EPB41L3: variants seen among roughly 807,000 people sequenced by gnomAD.
The protein encoded by EPB41L3 is erythrocyte membrane protein band 4.1 like 3, also known as band 4.1-like protein 3.
EPB41L3 carries 57 observed loss-of-function variants against 127.1 expected under a neutral mutation model. That is an observed-to-expected ratio of 0.45 (90% CI 0.36 to 0.56). EPB41L3 has a LOEUF of 0.56. EPB41L3 is among the 20% of genes least tolerant of loss of function. The probability of loss-of-function intolerance (pLI) is 0.00; values close to 1 mark genes in which losing one functional copy is unlikely to be tolerated. For missense variants in EPB41L3, 1,273 were observed against 1,372.2 expected, an observed-to-expected ratio of 0.93 and a Z score of 1.14; for synonymous variants, 572 against 549.5, an observed-to-expected ratio of 1.04 and a Z score of -0.57.
intron 1 of EPB41L3, chr18:5,508,327 T>G (rs2092330596): frequency 6.6e-6 from 1 of 152,338 alleles, no homozygotes; most frequent in Non-Finnish European, 1.5e-5. Flanking sequence ...ATAATTTTTA[T>G]ATTAACACTG....
intron 3 of EPB41L3, among the ~76,000 whole-genome samples, chr18:5,609,178 A>G (rs1481181660): frequency 1.3e-5 from 2 of 152,206 alleles, no homozygotes; most frequent in East Asian, 1.9e-4. Flanking sequence ...ATGAAACTGT[A>G]ACTGATAATC....
intron 8 of EPB41L3, among the ~76,000 whole-genome samples, chr18:5,431,962 A>C (rs150291893): frequency 8.3e-4 from 127 of 152,322 alleles, no homozygotes; most frequent in Non-Finnish European, 1.3e-3. Flanking sequence ...TTGTAATTAT[A>C]CACAAATGTC....
chr18:5,551,813 T>C (rs1433368107), intron 3 of EPB41L3, among the ~76,000 whole-genome samples: 3 of 152,184 alleles, frequency 2.0e-5, no homozygotes, highest in African/African-American at 7.2e-5. Flanking sequence ...TTCGTGTACA[T>C]TTGAAAGGTT....
intron 3 of EPB41L3, among the ~76,000 whole-genome samples, chr18:5,461,596 T>G (rs1315976227): frequency 6.6e-6 from 1 of 152,256 alleles, no homozygotes; most frequent in African/African-American, 2.4e-5. Flanking sequence ...TCTGGTCATT[T>G]TGATTTGCCT....
chr18:5,445,329 A>T, intron 3 of EPB41L3, 85 bp from the exon 4 acceptor site: 3 of 1,065,370 alleles, frequency 2.8e-6, no homozygotes, highest in Non-Finnish European at 4.2e-6. Flanking sequence ...GGTAATATTT[A>T]AAACATTGCT....
intron 1 of EPB41L3, among the ~76,000 whole-genome samples, chr18:5,626,257 G>A (rs759025542): frequency 5.9e-5 from 9 of 152,068 alleles, no homozygotes; most frequent in Non-Finnish European, 1.2e-4. Flanking sequence ...AGACATCATC[G>A]TGACACCAAA....
chr18:5,611,309 G>A (rs2144035451), intron 3 of EPB41L3, among the ~76,000 whole-genome samples: 1 of 152,320 alleles, frequency 6.6e-6, no homozygotes, highest in South Asian at 2.1e-4. Context: ...GTATTACTCA[G>A]CCTTCAAAAG....
chr18:5,597,968 C>G (rs1352661531), intron 3 of EPB41L3, among the ~76,000 whole-genome samples: 1 of 152,192 alleles, frequency 6.6e-6, no homozygotes, highest in Non-Finnish European at 1.5e-5. Flanking sequence ...GTCCCAGATC[C>G]TGCATGCACA....
At chr18:5,394,446 C>A in intron 22 of EPB41L3, 1 of 466,010 alleles carries the variant, frequency 2.1e-6, no homozygotes, top group Non-Finnish European at 3.9e-6. Context: ...GAAGCATAGA[C>A]TCTGCTCTTC....
Position 5,604,012 on chromosome 18 carries a change from C to A in EPB41L3, c.-306+8328G>T, listed in dbSNP as rs2094619796. ...ATCTCCTTCCAGAAGTGTCCACACA[C>A]ACACACACGTGCACACACACACAGA... On this transcript the variant is annotated intron_variant, in intron 3 of 21. Transcript: ENST00000545076. 3.4e-5 allele frequency among the ~76,000 whole-genome samples: 4 copies of A among 118,308 alleles called. No homozygotes were observed. In the South Asian group the frequency reaches 1.3e-3, roughly 39 times the overall value. 77.6% of individuals were successfully genotyped at this position (118,308 alleles called of 152,430 possible). A position where few individuals can be genotyped will look rare whatever the true frequency, so the allele number is the denominator to read the frequency against.
Position 5,397,248 on chromosome 18 carries a change from G to C in EPB41L3, c.2651C>G (p.Pro884Arg), listed in dbSNP as rs1256064063. 1 of 1,614,130 alleles carries C rather than the reference G, an allele frequency of 6.2e-7. No individual in the cohort carries two copies. The highest frequency in any genetic ancestry group is 1.7e-5 in the Admixed American group (1 of 60,022). Residue 884 changes from proline (P) to arginine (R), a missense_variant, in exon 18 of 23, where the codon CCC (proline) becomes CGC (arginine). This residue lies in a region of EPB41L3 where 765 missense variants were observed against 782.9 expected (regional missense o/e 0.98). Coordinates refer to ENST00000341928, the MANE Select transcript of EPB41L3 (RefSeq NM_012307.5). This position sits in a 1 kb window ranked among gnomAD's most constrained non-coding sequence, Gnocchi z 4.1. ...TTTCCCTTTAATGCCTGTGAATGCG[G>C]GCTGTGCTGCAGCATCCCCGCTGTC... is the stretch of plus-strand genomic sequence containing the variant. ...AGDSGDAAAQ[P>R]AFTGIKGKEG...
intron 3 of EPB41L3, among the ~76,000 whole-genome samples, chr18:5,597,185 A>G (rs1193074707): frequency 1.3e-5 from 2 of 152,114 alleles, no homozygotes; most frequent in East Asian, 1.9e-4. Flanking sequence ...TCTCCCCCTC[A>G]TGCCACCAGA....
chr18:5,432,636 T>C lies in EPB41L3; in HGVS notation c.912+833A>G, dbSNP rs141801906. 7.5e-3 allele frequency among the ~76,000 whole-genome samples: 1,145 copies of C among 152,306 alleles called. 13 individuals are homozygous for C. The highest frequency in any genetic ancestry group is 0.026 in the African/African-American group (1,092 of 41,562). ...GTTTAAAAAGACTAGTAGTCCTATC[T>C]TCATTCTACCACTACTGAAAAGTAC... On this transcript the variant is annotated intron_variant, in intron 8 of 22. Transcript: ENST00000341928.
At chr18:5,525,982 C>A (rs1365946212) in intron 1 of EPB41L3, among the ~76,000 whole-genome samples, 2 of 151,986 alleles carry the variant, frequency 1.3e-5, no homozygotes, top group African/African-American at 2.4e-5. Context: ...AAATTTGCCA[C>A]CTCAGTCTCT....
intron 3 of EPB41L3, among the ~76,000 whole-genome samples, chr18:5,461,297 C>T (rs1854275610): frequency 6.6e-6 from 1 of 152,162 alleles, no homozygotes; most frequent in African/African-American, 2.4e-5. Context: ...GTATTCCTTC[C>T]AGTTTTCCAA....
chr18:5,489,374 C>T (rs2090321153), intron 1 of EPB41L3, 180 bp from the exon 2 acceptor site: 2 of 599,180 alleles, frequency 3.3e-6, no homozygotes, highest in Non-Finnish European at 5.4e-6. Context: ...GAGATGGGTG[C>T]CCACCAGGCA....
chr18:5,553,911 C>G (rs2093998899), intron 3 of EPB41L3, among the ~76,000 whole-genome samples: 1 of 152,228 alleles, frequency 6.6e-6, no homozygotes, highest in Non-Finnish European at 1.5e-5. Context: ...ACCAGCCCCA[C>G]CGTTCTGAAC....
intron 8 of EPB41L3, among the ~76,000 whole-genome samples, chr18:5,430,902 GACATGTGCATTCCACTATCAATAAAT>G (rs1265559267): frequency 6.6e-6 from 1 of 152,036 alleles, no homozygotes; most frequent in Admixed American, 6.6e-5. Flanking sequence ...ATTTCTTAAG[GACATGTGCATTCCACTATCAATAAAT>G]ACATGTGCAC....
At chr18:5,477,992 T>C (rs1463317670) in intron 3 of EPB41L3, among the ~76,000 whole-genome samples, 1 of 152,204 alleles carries the variant, frequency 6.6e-6, no homozygotes, top group Non-Finnish European at 1.5e-5. Context: ...TCCTACCATA[T>C]TGTTGGAGAC....
Sources: gnomAD v4.1 joint callset for allele counts (sites outside exome capture counted in the v4.1 genomes callset) on GRCh38, gnomAD v4.1.1 for gene constraint, gnomAD v4.1.1 regional missense constraint, Gnocchi (gnomAD v3.1) non-coding constraint, MANE v1.5 for transcripts, NCBI Gene and HGNC (gene_info 2026-07-23, HGNC 2026-07-21) for gene names.